Variants in OR2L13 observed in about 807,000 individuals in gnomAD.
OR2L13 encodes olfactory receptor 2L13.
In OR2L13, 14 loss-of-function variants were observed where a neutral mutation model predicts 15.3. That is an observed-to-expected ratio of 0.91 (90% CI 0.60 to 1.43). The LOEUF is 1.43. Ranked by LOEUF, OR2L13 falls within the 40% of genes most tolerant of loss-of-function variation. The pLI is 0.00. For missense variants in OR2L13, 367 were observed against 387.9 expected (o/e 0.95, Z 0.45); for synonymous variants, 152 against 142.9 (o/e 1.06, Z -0.45).
At chr1:247,948,146 A>G in the OR2L13 span, among the ~76,000 whole-genome samples, 2 of 152,010 alleles carry the variant, frequency 1.3e-5, no homozygotes. Flanking sequence ...CCAGAAGTTC[A>G]AGGCTGCAGT....
the OR2L13 span, among the ~76,000 whole-genome samples, chr1:248,057,030 T>A: frequency 1.3e-5 from 2 of 152,056 alleles, no homozygotes; most frequent in African/African-American, 4.8e-5. Context: ...AGTTCTTTTG[T>A]ATTTGCTGAG....
chr1:248,036,497 T>C, the OR2L13 span, among the ~76,000 whole-genome samples: 1 of 152,230 alleles, frequency 6.6e-6, no homozygotes, highest in Non-Finnish European at 1.5e-5. Flanking sequence ...TCAGTGTACA[T>C]ACACGTGTAT....
the OR2L13 span, among the ~76,000 whole-genome samples, chr1:248,014,375 C>T: frequency 6.6e-6 from 1 of 152,002 alleles, no homozygotes; most frequent in Non-Finnish European, 1.5e-5. Context: ...ATTAAGGAAA[C>T]CATATGATTA....
chr1:248,097,298 C>T (rs1664760517), exon 1 of OR2L13: 1 of 152,202 alleles, frequency 6.6e-6, no homozygotes, highest in Non-Finnish European at 1.5e-5. Flanking sequence ...CCAAGGCAGT[C>T]ACTAATCTCA....
chr1:247,965,293 GTCATTTTACTT>G, the OR2L13 span: 50 of 1,427,256 alleles, frequency 3.5e-5, 1 homozygote, highest in South Asian at 6.3e-4. Flanking sequence ...TGAATGCCAT[GTCATTTTACTT>G]TCTCTTAAGG....
chr1:248,026,853 G>T, the OR2L13 span, among the ~76,000 whole-genome samples: 1 of 152,124 alleles, frequency 6.6e-6, no homozygotes, highest in Non-Finnish European at 1.5e-5. Context: ...TGAGGAGGAT[G>T]TATGTCACCT....
chr1:247,986,141 T>C, the OR2L13 span, among the ~76,000 whole-genome samples: 1 of 152,198 alleles, frequency 6.6e-6, no homozygotes, highest in Non-Finnish European at 1.5e-5. Flanking sequence ...ATTTTGGCTT[T>C]TGTTGCCATT....
At chr1:247,992,463 G>T in the OR2L13 span, among the ~76,000 whole-genome samples, 331 of 152,234 alleles carry the variant, frequency 2.2e-3, 2 homozygotes, top group African/African-American at 7.7e-3. Context: ...GTTGCTTAGA[G>T]TTAGAGTGTG....
the OR2L13 span, among the ~76,000 whole-genome samples, chr1:247,997,420 CA>C: frequency 6.6e-6 from 1 of 152,022 alleles, no homozygotes; most frequent in Admixed American, 6.6e-5. Context: ...TTAAAAGAAA[CA>C]ATTTGAATGT....
At chr1:247,995,129 A>G in the OR2L13 span, among the ~76,000 whole-genome samples, 1 of 152,150 alleles carries the variant, frequency 6.6e-6, no homozygotes, top group Non-Finnish European at 1.5e-5. Flanking sequence ...TCTTTAATGC[A>G]TTGTTCTCTA....
At chr1:248,058,745 A>G in the OR2L13 span, among the ~76,000 whole-genome samples, 2 of 152,040 alleles carry the variant, frequency 1.3e-5, no homozygotes, top group African/African-American at 4.8e-5. Flanking sequence ...AAAATTTTTA[A>G]AGAATATTAA....
At chr1:247,968,828 A>G in the OR2L13 span, among the ~76,000 whole-genome samples, 1 of 152,074 alleles carries the variant, frequency 6.6e-6, no homozygotes. Flanking sequence ...TCTTTATAGC[A>G]GCATGATTTA....
chr1:248,038,363 C>T, the OR2L13 span: 1 of 1,613,516 alleles, frequency 6.2e-7, no homozygotes, highest in African/African-American at 1.3e-5. Flanking sequence ...TCATTTTTCT[C>T]ATTTTCCTAA....
At chr1:247,954,234 A>AT in the OR2L13 span, among the ~76,000 whole-genome samples, 2 of 151,960 alleles carry the variant, frequency 1.3e-5, no homozygotes, top group African/African-American at 4.8e-5. Flanking sequence ...CCACTACTAA[A>AT]TTTTTTTTAC....
chr1:248,025,711 A>G, the OR2L13 span, among the ~76,000 whole-genome samples: 3 of 150,418 alleles, frequency 2.0e-5, no homozygotes, highest in Non-Finnish European at 4.4e-5. Context: ...AATGTCCAAC[A>G]ATGATAGACT....
At chr1:247,960,096 G>A in the OR2L13 span, among the ~76,000 whole-genome samples, 4 of 152,126 alleles carry the variant, frequency 2.6e-5, no homozygotes, top group Admixed American at 1.3e-4. Context: ...CTTTGATGAT[G>A]GTGACGTACA....
At chr1:247,972,112 C>A in the OR2L13 span, among the ~76,000 whole-genome samples, 1 of 152,064 alleles carries the variant, frequency 6.6e-6, no homozygotes, top group African/African-American at 2.4e-5. Context: ...TGGGACACAG[C>A]TAAAGCGGTG....
chr1:248,030,628 C>T, the OR2L13 span, among the ~76,000 whole-genome samples: 2 of 152,038 alleles, frequency 1.3e-5, no homozygotes, highest in Non-Finnish European at 2.9e-5. Context: ...TTTCTTTTGC[C>T]ATGAGTGATG....
At chr1:248,006,875 G>C in the OR2L13 span, among the ~76,000 whole-genome samples, 2 of 152,094 alleles carry the variant, frequency 1.3e-5, no homozygotes, top group Non-Finnish European at 2.9e-5. Flanking sequence ...CAGTCACTTC[G>C]TCTTAAATTT....
Sources: gnomAD v4.1 joint callset for allele counts (sites outside exome capture counted in the v4.1 genomes callset) on GRCh38, gnomAD v4.1.1 for gene constraint, MANE v1.5 for transcripts, NCBI Gene and HGNC (gene_info 2026-07-23, HGNC 2026-07-21) for gene names.